The following EYA2 variants were observed in gnomAD, a reference collection of about 807,000 sequenced individuals.
The protein encoded by EYA2 is protein phosphatase EYA2.
Under a neutral mutation model 69.2 loss-of-function variants are expected in EYA2, and 31 were observed. That is an observed-to-expected ratio of 0.45 (90% CI 0.34 to 0.60). The LOEUF (loss-of-function observed/expected upper bound fraction) is 0.60, where lower values mean the gene tolerates loss of function less well. Among genes scored for constraint, EYA2 ranks in the 20% least tolerant of loss-of-function variants. EYA2 has a pLI of 0.02. For synonymous variants in EYA2, 257 were observed against 279.4 expected, an observed-to-expected ratio of 0.92 and a Z score of 0.80; for missense variants, 622 against 701.2, an observed-to-expected ratio of 0.89 and a Z score of 1.28.
In EYA2 at chr20:47,183,538, TG is replaced by T. The variant is rs2034578740; in HGVS notation, c.1536+148del. The T allele has an allele frequency of 7.8e-6, 5 of 643,694 alleles. No homozygotes were observed. The Admixed American group carries it at 1.5e-4, about 20-fold the overall frequency. 39.9% of individuals were successfully genotyped at this position (643,694 alleles called of 1,614,324 possible). ...TCCTTGCTTGCCAGTCCATTCCATT[TG>T]CAAATTGCAGAAGCATCCTGAGTAA... On this transcript the variant is annotated intron_variant, in intron 15 of 15. Coordinates refer to ENST00000327619, the MANE Select transcript of EYA2 (RefSeq NM_005244.5).
At chr20:47,173,253 G>A (rs986679366) in intron 12 of EYA2, among the ~76,000 whole-genome samples, 2 of 152,072 alleles carry the variant, frequency 1.3e-5, no homozygotes, top group East Asian at 3.9e-4. Context: ...TAGCAAATCT[G>A]AAACTCTGCG....
intron 1 of EYA2, among the ~76,000 whole-genome samples, chr20:46,977,095 G>A (rs1980508651): frequency 6.6e-6 from 1 of 152,198 alleles, no homozygotes; most frequent in African/African-American, 2.4e-5. Flanking sequence ...GGAACAAGAT[G>A]TACAAGATCA....
intron 7 of EYA2, among the ~76,000 whole-genome samples, chr20:47,084,800 C>A (rs972690092): frequency 1.3e-5 from 2 of 151,122 alleles, no homozygotes; most frequent in Non-Finnish European, 2.9e-5. Flanking sequence ...GAAAATGGTA[C>A]AACCACTATG....
chr20:46,944,675 G>A (rs1978350993), intron 1 of EYA2, among the ~76,000 whole-genome samples: 1 of 152,120 alleles, frequency 6.6e-6, no homozygotes, highest in Non-Finnish European at 1.5e-5. Context: ...TTTTGAAAAT[G>A]TTTGTGTATG....
intron 1 of EYA2, among the ~76,000 whole-genome samples, chr20:46,983,745 A>G (rs1980992940): frequency 6.6e-6 from 1 of 152,130 alleles, no homozygotes; most frequent in Non-Finnish European, 1.5e-5. Flanking sequence ...CCTGAACTCC[A>G]GTTTTTTTCT....
At chr20:47,130,565 G>A (rs913382389) in intron 9 of EYA2, among the ~76,000 whole-genome samples, 6 of 151,842 alleles carry the variant, frequency 4.0e-5, no homozygotes, top group East Asian at 2.0e-4. Flanking sequence ...GCGCCCGGCC[G>A]AGAAGGTTTA....
intron 5 of EYA2, among the ~76,000 whole-genome samples, chr20:47,053,570 G>A (rs191311858): frequency 6.6e-6 from 1 of 151,516 alleles, no homozygotes; most frequent in East Asian, 2.0e-4. Context: ...AGGAGGCTGA[G>A]GTGGGAGAAA....
intron 7 of EYA2, among the ~76,000 whole-genome samples, chr20:47,078,325 G>GCACACACACACACACA (rs1358060493): frequency 9.5e-6 from 1 of 105,344 alleles, no homozygotes; most frequent in East Asian, 4.3e-4. Context: ...ACGTGCGCGC[G>GCACACACACACACACA]CGCGCGCACA....
chr20:47,006,617 GTTCA>G (rs1356607545), intron 4 of EYA2, among the ~76,000 whole-genome samples: 1 of 152,046 alleles, frequency 6.6e-6, no homozygotes. Context: ...CTGTTTGTTT[GTTCA>G]TTCATTCATT....
chr20:47,154,190 T>G (rs1284291854), intron 10 of EYA2, among the ~76,000 whole-genome samples: 1 of 151,968 alleles, frequency 6.6e-6, no homozygotes, highest in East Asian at 2.0e-4. Flanking sequence ...TTGCTGTGTC[T>G]TCACCCGGCC....
At chr20:47,069,350 C>T (rs941063295) in intron 5 of EYA2, among the ~76,000 whole-genome samples, 1 of 152,090 alleles carries the variant, frequency 6.6e-6, no homozygotes, top group East Asian at 1.9e-4. Flanking sequence ...AAAAAATTAA[C>T]TGGGCATAGT....
At position 47,179,874 on chromosome 20, in the gene EYA2, G is replaced by C. The variant is rs201347261; in HGVS notation, c.1275G>C (p.Leu425=). The C allele has an allele frequency of 6.2e-7, 1 of 1,614,042 alleles. No individual in the cohort carries two copies. The highest frequency in any genetic ancestry group is 2.2e-5 in the East Asian group (1 of 44,874). Residue 425 remains leucine, a synonymous_variant, in exon 13 of 16, where the codon CTG becomes CTC. Transcript: ENST00000327619. ...TGGAAGCTCTCACAGACCTCTGGCT[G>C]ACCCACTCCCTGAAGGCACTAAACC... ...AELEALTDLW[L]THSLKALNLI...
intron 9 of EYA2, among the ~76,000 whole-genome samples, chr20:47,100,617 T>G (rs1314445083): frequency 6.6e-6 from 1 of 152,222 alleles, no homozygotes; most frequent in African/African-American, 2.4e-5. Flanking sequence ...AGAATCAGAC[T>G]CAAGCTCACC....
intron 1 of EYA2, among the ~76,000 whole-genome samples, chr20:46,982,587 G>T (rs1600605768): frequency 6.6e-6 from 1 of 152,008 alleles, no homozygotes; most frequent in East Asian, 1.9e-4. Flanking sequence ...ATGTGTGCTA[G>T]ATCTTTTACC....
At chr20:47,151,822 C>T (rs773974338) in intron 10 of EYA2, among the ~76,000 whole-genome samples, 1 of 151,960 alleles carries the variant, frequency 6.6e-6, no homozygotes, top group Non-Finnish European at 1.5e-5. Flanking sequence ...TCCAGGAGGG[C>T]AGAGAACATG....
chr20:46,964,038 T>C (rs1979637793), intron 1 of EYA2, among the ~76,000 whole-genome samples: 1 of 152,222 alleles, frequency 6.6e-6, no homozygotes, highest in South Asian at 2.1e-4. Context: ...ACAGCCAGCA[T>C]CGCAGGAAGA....
chr20:47,180,034 A>G, intron 13 of EYA2, 122 bp downstream of exon 13: 2 of 680,554 alleles, frequency 2.9e-6, no homozygotes, highest in Non-Finnish European at 2.5e-6. Context: ...TACACTTTCC[A>G]AATATTTTTT....
intron 7 of EYA2, among the ~76,000 whole-genome samples, chr20:47,078,299 G>A (rs529875937): frequency 2.6e-5 from 4 of 151,230 alleles, no homozygotes; most frequent in Admixed American, 6.6e-5. Context: ...TTAAGCATAT[G>A]TGTGTGCACA....
chr20:47,089,453 G>A, intron 8 of EYA2, 72 bp downstream of exon 8: 2 of 1,511,712 alleles, frequency 1.3e-6, no homozygotes, highest in Non-Finnish European at 1.8e-6. Context: ...AGTGGGGACA[G>A]AGTTTTCTCC....
Sources: gnomAD v4.1 joint callset for allele counts (sites outside exome capture counted in the v4.1 genomes callset) on GRCh38, gnomAD v4.1.1 for gene constraint, MANE v1.5 for transcripts, NCBI Gene and HGNC (gene_info 2026-07-23, HGNC 2026-07-21) for gene names.